The following CASK variants were observed in gnomAD, a reference collection of about 807,000 sequenced individuals.
CASK encodes the protein calcium/calmodulin dependent serine protein kinase.
In CASK, 4 loss-of-function variants were observed where a neutral mutation model predicts 82.9. The observed-to-expected ratio is 0.05, with a 90% confidence interval of 0.02 to 0.11. CASK has a LOEUF of 0.11. Ranked by LOEUF, CASK falls within the 10% of genes least tolerant of loss-of-function variation. The probability of loss-of-function intolerance (pLI) is 1.00; values close to 1 mark genes in which losing one functional copy is unlikely to be tolerated. For missense variants in CASK, 358 were observed against 720.9 expected, an observed-to-expected ratio of 0.50 and a Z score of 5.76; for synonymous variants, 259 against 253.5, an observed-to-expected ratio of 1.02 and a Z score of -0.20.
chrX:41,624,186 G>A, intron 10 of CASK: 1 of 332,534 alleles, frequency 3.0e-6, no homozygotes, highest in East Asian at 9.6e-5. Context: ...CTGAGTGTGA[G>A]GAGAGAAGAC....
Position 41,562,366 on chromosome X carries a change from T to C in CASK, c.1583-722A>G, listed in dbSNP as rs1030464417. Reference sequence around the variant, plus strand: ...TCCTTATTTATAAATTGTGCAGAAATGTACACACTGACCTGGCTTCATTAC... The same window carrying C: ...TCCTTATTTATAAATTGTGCAGAAACGTACACACTGACCTGGCTTCATTAC... On this transcript the variant is annotated intron_variant, in intron 16 of 26. Coordinates refer to ENST00000378163, the MANE Select transcript of CASK (RefSeq NM_001367721.1). The C allele has an allele frequency of 2.7e-5, 3 of 112,429 alleles. No homozygotes were observed. In the Admixed American group the frequency reaches 2.8e-4, roughly 11 times the overall value. The allele number at this position is 112,429 out of a possible 1,213,427, so 9.3% of individuals were successfully genotyped here. A position where few individuals can be genotyped will look rare whatever the true frequency, so the allele number is the denominator to read the frequency against.
chrX:41,727,594 C>T (rs769808811), intron 5 of CASK: 78 of 1,201,764 alleles, frequency 6.5e-5, no homozygotes, highest in Non-Finnish European at 8.6e-5. Context: ...ATGCTACAAT[C>T]GGCAGATGGA....
At chrX:41,682,927 A>T (rs755324461) in intron 5 of CASK, among the ~76,000 whole-genome samples, 1 of 111,012 alleles carries the variant, frequency 9.0e-6, no homozygotes, top group Non-Finnish European at 1.9e-5. Flanking sequence ...TATTAGAGTT[A>T]GTGTATCCCT....
chrX:41,780,070 G>A (rs937133322), intron 3 of CASK, among the ~76,000 whole-genome samples: 9 of 111,402 alleles, frequency 8.1e-5, no homozygotes, highest in African/African-American at 1.6e-4. Context: ...AAGTCTCCCC[G>A]TGGTATATGT....
At position 41,578,501 on chromosome X, in the gene CASK, C is replaced by T; in HGVS notation, c.1342G>A (p.Ala448Thr). 1.7e-6 allele frequency: 2 copies of T among 1,207,778 alleles called. No homozygotes were observed. The highest frequency in any genetic ancestry group is 2.2e-6 in the Non-Finnish European group (2 of 892,089). ...GCTTCATCACTGTAAACTTCATGTG[C>T]CACTACGTCGTGAGTCTGAAGTAAG... ...MALLQTHDVVAHEVYSDEALR... is the reference protein window; with the variant it reads ...MALLQTHDVVTHEVYSDEALR... Residue 448 changes from alanine (A) to threonine (T), a missense_variant, in exon 15 of 27, where the codon GCA becomes ACA. Physicochemically the swap from Ala to Thr is moderately conservative, Grantham distance 58. This residue lies in a region of CASK where 110 missense variants were observed against 218.8 expected (regional missense o/e 0.50). Transcript: ENST00000378163.
At chrX:41,580,384 T>G (rs560594467) in intron 14 of CASK, among the ~76,000 whole-genome samples, 6 of 111,486 alleles carry the variant, frequency 5.4e-5, no homozygotes, top group African/African-American at 2.0e-4. Flanking sequence ...TTTCATCATG[T>G]TGCCCAGGCT....
At chrX:41,889,281 T>A (rs2072119117) in intron 1 of CASK, among the ~76,000 whole-genome samples, 1 of 109,803 alleles carries the variant, frequency 9.1e-6, no homozygotes, top group African/African-American at 3.3e-5. Flanking sequence ...GTAAGAGTGT[T>A]CCCTTTTCAC....
intron 1 of CASK, among the ~76,000 whole-genome samples, chrX:41,874,176 AT>A (rs74737351): frequency 0.19 from 20,941 of 110,254 alleles, 1,631 homozygotes; most frequent in Middle Eastern, 0.31. Flanking sequence ...AACAGACTAG[AT>A]TTTTTTTTAA....
At chrX:41,810,236 G>C (rs1202231575) in intron 2 of CASK, among the ~76,000 whole-genome samples, 1 of 111,615 alleles carries the variant, frequency 9.0e-6, no homozygotes, top group East Asian at 2.8e-4. Context: ...GAAATACAGA[G>C]ACCACCACAA....
rs11377176 is a variant in CASK at position 41,639,075 on chromosome X, CTTT to C, written c.832-2417_832-2415del. Among the ~76,000 whole-genome samples the C allele has an allele frequency of 5.4e-5, 5 of 92,953 alleles. No individual in the cohort carries two copies. The South Asian group carries it at 2.1e-3, about 40-fold the overall frequency. The allele number at this position is 92,953 out of a possible 115,157, so 80.7% of individuals were successfully genotyped here. ...TAATAGGTAAATTTTCAACCCTCAACTTTTTTTTTTTTTTTTTGAGATGGAGTC... is the reference window on the plus strand; with the variant it reads ...TAATAGGTAAATTTTCAACCCTCAACTTTTTTTTTTTTTTGAGATGGAGTC... On this transcript the variant is annotated intron_variant, in intron 8 of 26. Transcript: ENST00000378163.
chrX:41,813,983 C>T (rs1361400230), intron 2 of CASK, among the ~76,000 whole-genome samples: 1 of 112,306 alleles, frequency 8.9e-6, no homozygotes, highest in South Asian at 3.7e-4. Flanking sequence ...CCAAAAGACA[C>T]ATGAAAAAAT....
intron 1 of CASK, among the ~76,000 whole-genome samples, chrX:41,921,112 T>C (rs1321025530): frequency 8.9e-6 from 1 of 112,364 alleles, no homozygotes; most frequent in East Asian, 2.8e-4. Context: ...GAATTTTGAA[T>C]TGTATTTAAT....
At chrX:41,832,116 C>T (rs770124048) in intron 2 of CASK, among the ~76,000 whole-genome samples, 7 of 110,490 alleles carry the variant, frequency 6.3e-5, no homozygotes, top group Non-Finnish European at 9.5e-5. Flanking sequence ...AGATTCAATC[C>T]CATAAAGCGG....
chrX:41,586,899 T>C lies in CASK; in HGVS notation c.1314+8A>G, dbSNP rs768586291. 1.8e-6 allele frequency: 2 copies of C among 1,093,669 alleles called. No homozygotes were observed. Among genetic ancestry groups the C allele is most frequent in the East Asian group, 6.0e-5 (2 of 33,310 alleles). 90.1% of individuals were successfully genotyped at this position (1,093,669 alleles called of 1,213,427 possible). A position where few individuals can be genotyped will look rare whatever the true frequency, so the allele number is the denominator to read the frequency against. On this transcript the variant is annotated splice_region_variant and intron_variant, in intron 14 of 26. Transcript: ENST00000378163. ...TTTCAGTTCTATGGAAGTTTAATTA[T>C]TACTTACCATGAAATGAGGTTGTGT...
At chrX:41,733,472 G>C (rs925556383) in intron 5 of CASK, among the ~76,000 whole-genome samples, 6 of 111,448 alleles carry the variant, frequency 5.4e-5, no homozygotes, top group Non-Finnish European at 1.1e-4. Context: ...ATAGTGGCTG[G>C]GCACGGTGGC....
At chrX:41,559,546 T>C in intron 18 of CASK, 1 of 408,557 alleles carries the variant, frequency 2.4e-6, no homozygotes. Flanking sequence ...CTCTACATTT[T>C]GCTCAGATTT....
chrX:41,762,780 C>A (rs1293957175), intron 3 of CASK, among the ~76,000 whole-genome samples: 1 of 111,746 alleles, frequency 8.9e-6, no homozygotes, highest in African/African-American at 3.3e-5. Flanking sequence ...AAAGTCATAG[C>A]CCACCACTAT....
chrX:41,828,650 A>G (rs1271743697), intron 2 of CASK, among the ~76,000 whole-genome samples: 2 of 111,888 alleles, frequency 1.8e-5, no homozygotes, highest in African/African-American at 6.5e-5. Context: ...AATCTACTAT[A>G]CTGATGGGGA....
intron 11 of CASK, among the ~76,000 whole-genome samples, chrX:41,617,000 G>A (rs2066211817): frequency 8.9e-6 from 1 of 112,216 alleles, no homozygotes; most frequent in Admixed American, 9.5e-5. Context: ...CCTGAGGAAG[G>A]GGCTCTCAGA....
Sources: gnomAD v4.1 joint callset for allele counts (sites outside exome capture counted in the v4.1 genomes callset) on GRCh38, gnomAD v4.1.1 for gene constraint, gnomAD v4.1.1 regional missense constraint, MANE v1.5 for transcripts, NCBI Gene and HGNC (gene_info 2026-07-23, HGNC 2026-07-21) for gene names.